Variants in ACSL3 observed in about 807,000 individuals in gnomAD.
ACSL3 encodes the protein acyl-CoA synthetase long chain family member 3.
Under a neutral mutation model 84.7 loss-of-function variants are expected in ACSL3, and 34 were observed. The observed-to-expected ratio is 0.40, with a 90% CI of 0.31 to 0.53. The LOEUF is 0.53. Ranked by LOEUF, ACSL3 falls within the 20% of genes least tolerant of loss-of-function variation. ACSL3 has a pLI of 0.48. For synonymous variants in ACSL3, 315 were observed against 299.4 expected, an observed-to-expected ratio of 1.05 and a Z score of -0.54; for missense variants, 680 against 873.1, an observed-to-expected ratio of 0.78 and a Z score of 2.79.
intron 16 of ACSL3, among the ~76,000 whole-genome samples, chr2:222,939,215 A>G (rs1378462170): frequency 6.6e-6 from 1 of 152,080 alleles, no homozygotes; most frequent in Non-Finnish European, 1.5e-5. Flanking sequence ...CATTTGAAAA[A>G]TCAGCTACCT....
Position 222,928,228 on chromosome 2 carries a change from C to G in ACSL3, c.1466-634C>G, listed in dbSNP as rs542427598. Reference sequence around the variant, plus strand: ...ACCAGTCTTATTCTTCAGCCTGGCTCTTGAGCTATTGCTGTATTAATTTTA... The same window carrying G: ...ACCAGTCTTATTCTTCAGCCTGGCTGTTGAGCTATTGCTGTATTAATTTTA... On this transcript the variant is annotated intron_variant, in intron 12 of 16. Coordinates refer to ENST00000357430, the MANE Select transcript of ACSL3 (RefSeq NM_004457.5). Among the ~76,000 whole-genome samples, 3 of 152,282 alleles carry G rather than the reference C, an allele frequency of 2.0e-5. No homozygotes were observed. The East Asian group carries it at 5.8e-4, about 29-fold the overall frequency.
intron 7 of ACSL3, among the ~76,000 whole-genome samples, chr2:222,919,669 A>G (rs557413340): frequency 1.2e-4 from 18 of 152,296 alleles, no homozygotes; most frequent in African/African-American, 4.1e-4. Context: ...ACAAGTTCCT[A>G]TTCTCAAAAA....
chr2:222,901,964 A>AAAAAAAAAAAAAAAAAG (rs57522671), intron 3 of ACSL3, among the ~76,000 whole-genome samples: 5 of 99,456 alleles, frequency 5.0e-5, no homozygotes, highest in African/African-American at 1.6e-4. Context: ...AAAAAAAAAA[A>AAAAAAAAAAAAAAAAAG]GAACTCAAAT....
intron 5 of ACSL3, among the ~76,000 whole-genome samples, chr2:222,917,117 G>A (rs1041994833): frequency 1.3e-5 from 2 of 152,056 alleles, no homozygotes; most frequent in Non-Finnish European, 2.9e-5. Flanking sequence ...TTGAGATGGA[G>A]TCTCACTCTG....
At chr2:222,907,479 G>A (rs1696322444) in intron 3 of ACSL3, among the ~76,000 whole-genome samples, 2 of 152,132 alleles carry the variant, frequency 1.3e-5, no homozygotes, top group Admixed American at 1.3e-4. Context: ...CAAGAATGAT[G>A]GCCGGATGTG....
At chr2:222,937,705 T>A (rs1180594325) in intron 16 of ACSL3, among the ~76,000 whole-genome samples, 1 of 152,176 alleles carries the variant, frequency 6.6e-6, no homozygotes, top group Non-Finnish European at 1.5e-5. Flanking sequence ...AATGTATGTT[T>A]CTTGTGGATG....
chr2:222,904,013 G>A (rs1250839562), intron 3 of ACSL3, among the ~76,000 whole-genome samples: 2 of 152,096 alleles, frequency 1.3e-5, no homozygotes, highest in Non-Finnish European at 2.9e-5. Context: ...GGTGGCTCAC[G>A]CCTGTAATCC....
chr2:222,928,829 T>C (rs1696950379), intron 12 of ACSL3, 33 bp from the exon 13 acceptor site: 1 of 1,561,630 alleles, frequency 6.4e-7, no homozygotes, highest in Non-Finnish European at 8.8e-7. Context: ...TAGCTACTGT[T>C]CTCAAATATC....
chr2:222,879,465 T>C (rs1695536497), intron 1 of ACSL3, among the ~76,000 whole-genome samples: 1 of 152,222 alleles, frequency 6.6e-6, no homozygotes. Context: ...ACTCACTGTA[T>C]GCTCACCCAT....
chr2:222,908,131 A>G (rs887345695), intron 3 of ACSL3, among the ~76,000 whole-genome samples: 1 of 152,230 alleles, frequency 6.6e-6, no homozygotes, highest in Non-Finnish European at 1.5e-5. Context: ...GTGGATTTTC[A>G]ATAAATCTGA....
At chr2:222,899,414 G>T (rs1696077255) in intron 2 of ACSL3, among the ~76,000 whole-genome samples, 1 of 152,260 alleles carries the variant, frequency 6.6e-6, no homozygotes, top group Admixed American at 6.5e-5. Context: ...GGCAGAGCTT[G>T]CAGTGAGCCG....
At position 222,927,222 on chromosome 2, in the gene ACSL3, G is replaced by A. The variant is rs754195765; in HGVS notation, c.1465+33G>A. Reference sequence around the variant, plus strand: ...TCTCCATGGTCAGAGGCTGGAGTGTGATGCCAGACGTTTTTTTGGGGTATG... The same window carrying A: ...TCTCCATGGTCAGAGGCTGGAGTGTAATGCCAGACGTTTTTTTGGGGTATG... On this transcript the variant is annotated intron_variant, in intron 12 of 16. Coordinates refer to ENST00000357430, the MANE Select transcript of ACSL3 (RefSeq NM_004457.5). The A allele has an allele frequency of 2.1e-5, 34 of 1,595,166 alleles. No individual in the cohort carries two copies. In the East Asian group the frequency reaches 7.2e-4, roughly 34 times the overall value.
intron 1 of ACSL3, among the ~76,000 whole-genome samples, chr2:222,884,515 G>C (rs1399251601): frequency 2.6e-5 from 4 of 152,314 alleles, no homozygotes; most frequent in Non-Finnish European, 5.9e-5. Context: ...GCCTCTTTCA[G>C]TTCTAGTGGC....
At chr2:222,933,829 C>T (rs934858272) in intron 15 of ACSL3, 17 of 152,312 alleles carry the variant, frequency 1.1e-4, no homozygotes, top group African/African-American at 4.1e-4. Flanking sequence ...AAAATAAAAT[C>T]TGTTATCAGG....
chr2:222,917,366 A>G (rs1379618975), intron 5 of ACSL3: 1 of 152,120 alleles, frequency 6.6e-6, no homozygotes, highest in Non-Finnish European at 1.5e-5. Context: ...TGGGAATATA[A>G]ACGTGAGCCA....
At chr2:222,922,233 G>A (rs1331975144) in intron 8 of ACSL3, among the ~76,000 whole-genome samples, 1 of 152,126 alleles carries the variant, frequency 6.6e-6, no homozygotes, top group Admixed American at 6.5e-5. Flanking sequence ...CACAACAAGA[G>A]TCTTATCTGT....
chr2:222,924,497 C>A lies in ACSL3; in HGVS notation c.1194C>A (p.Val398=), dbSNP rs761757200. 5.6e-6 allele frequency: 9 copies of A among 1,608,314 alleles called. No individual in the cohort carries two copies. The Admixed American group carries it at 1.5e-4, about 27-fold the overall frequency. Residue 398 remains valine (V), a synonymous_variant, in exon 11 of 17, where the codon GTC becomes GTA. Transcript: ENST00000357430. ...DRIYKNVMNK[V]SEMSSFQRNL... ...TCTACAAAAATGTCATGAATAAAGTCAGTGAAATGAGTAGTTTTCAACGTA... is the reference window on the plus strand; with the variant it reads ...TCTACAAAAATGTCATGAATAAAGTAAGTGAAATGAGTAGTTTTCAACGTA...
At chr2:222,920,372 G>C (rs1388336758) in intron 7 of ACSL3, among the ~76,000 whole-genome samples, 1 of 152,144 alleles carries the variant, frequency 6.6e-6, no homozygotes, top group Non-Finnish European at 1.5e-5. Context: ...TGCCAACCAT[G>C]ACCTATTTCT....
intron 1 of ACSL3, among the ~76,000 whole-genome samples, chr2:222,870,325 G>C (rs1695266945): frequency 6.6e-6 from 1 of 152,102 alleles, no homozygotes. Flanking sequence ...GAATTTAATG[G>C]GGTGTTTGCA....
Sources: gnomAD v4.1 joint callset for allele counts (sites outside exome capture counted in the v4.1 genomes callset) on GRCh38, gnomAD v4.1.1 for gene constraint, MANE v1.5 for transcripts, NCBI Gene and HGNC (gene_info 2026-07-23, HGNC 2026-07-21) for gene names.